ELP3: variants seen among roughly 807,000 people sequenced by gnomAD.
The protein encoded by ELP3 is elongator complex protein 3.
Under a neutral mutation model 74.9 loss-of-function variants are expected in ELP3, and 56 were observed. The observed-to-expected ratio is 0.75, with a 90% confidence interval of 0.60 to 0.93. The LOEUF is 0.93. Ranked by LOEUF, ELP3 falls within the 40% of genes least tolerant of loss-of-function variation. The probability of loss-of-function intolerance (pLI) is 0.00; values close to 1 mark genes in which losing one functional copy is unlikely to be tolerated. For missense variants in ELP3, 573 were observed against 686.5 expected (o/e 0.83, Z 1.85); for synonymous variants, 222 against 239.8 (o/e 0.93, Z 0.68).
intron 6 of ELP3, 99 bp from the exon 7 acceptor site, chr8:28,112,920 G>T: frequency 8.7e-7 from 1 of 1,147,862 alleles, no homozygotes; most frequent in South Asian, 1.7e-5. Flanking sequence ...TTTTTAAACT[G>T]TACTGATGAA....
chr8:28,133,952 GATTATT>G (rs369737577), intron 9 of ELP3, among the ~76,000 whole-genome samples: 7 of 151,454 alleles, frequency 4.6e-5, no homozygotes, highest in African/African-American at 1.5e-4. Flanking sequence ...TTATTATCAT[GATTATT>G]ATTATTATTA....
At chr8:28,139,722 A>G (rs1255862631) in intron 10 of ELP3, among the ~76,000 whole-genome samples, 1 of 152,202 alleles carries the variant, frequency 6.6e-6, no homozygotes, top group East Asian at 1.9e-4. Flanking sequence ...AAGTGGGCGG[A>G]TTACCTGAGG....
At chr8:28,138,879 A>G (rs750498372) in intron 10 of ELP3, among the ~76,000 whole-genome samples, 2 of 152,252 alleles carry the variant, frequency 1.3e-5, no homozygotes, top group African/African-American at 2.4e-5. Context: ...ATTTTTAAAA[A>G]TACACCTAAG....
At chr8:28,169,443 G>T (rs1277221872) in intron 14 of ELP3, among the ~76,000 whole-genome samples, 1 of 152,138 alleles carries the variant, frequency 6.6e-6, no homozygotes, top group African/African-American at 2.4e-5. Context: ...GCAGCCAGTT[G>T]GCTGGGATGG....
chr8:28,171,380 G>A (rs2130579984), intron 14 of ELP3, among the ~76,000 whole-genome samples: 1 of 151,914 alleles, frequency 6.6e-6, no homozygotes, highest in South Asian at 2.1e-4. Flanking sequence ...CCATCCTAGT[G>A]GTATAAAATG....
intron 1 of ELP3, among the ~76,000 whole-genome samples, chr8:28,095,809 T>G (rs1811231238): frequency 6.6e-6 from 1 of 152,212 alleles, no homozygotes. Flanking sequence ...TGAGATAAAG[T>G]AAATGTGTGG....
intron 3 of ELP3, among the ~76,000 whole-genome samples, chr8:28,104,697 G>A (rs1331388555): frequency 6.6e-6 from 1 of 152,228 alleles, no homozygotes; most frequent in Non-Finnish European, 1.5e-5. Flanking sequence ...CATAGAAGCA[G>A]CACTACGTTC....
intron 14 of ELP3, 137 bp downstream of exon 14, chr8:28,162,215 T>C: frequency 1.2e-6 from 1 of 864,464 alleles, no homozygotes; most frequent in Non-Finnish European, 1.8e-6. Context: ...GGCGAAGGAC[T>C]TGTGCTCAAA....
At chr8:28,169,382 G>C (rs757141066) in intron 14 of ELP3, among the ~76,000 whole-genome samples, 4 of 152,204 alleles carry the variant, frequency 2.6e-5, no homozygotes, top group Non-Finnish European at 4.4e-5. Context: ...AGAGGGGATG[G>C]TTCCTGTCTG....
At chr8:28,154,481 T>C (rs1428029210) in intron 10 of ELP3, among the ~76,000 whole-genome samples, 1 of 152,208 alleles carries the variant, frequency 6.6e-6, no homozygotes, top group Non-Finnish European at 1.5e-5. Flanking sequence ...ATTTCTTATA[T>C]GTGTATATAT....
rs570201267 is a variant in ELP3, at chr8:28,112,841, C to T, written c.463-178C>T. The T allele has an allele frequency of 3.4e-5, 15 of 440,234 alleles. No individual in the cohort carries two copies. The South Asian group carries it at 1.1e-3, about 31-fold the overall frequency. 27.3% of individuals were successfully genotyped at this position (440,234 alleles called of 1,614,324 possible). On this transcript the variant is annotated intron_variant, in intron 6 of 14. Transcript: ENST00000256398. The stretch of plus-strand genomic sequence containing the variant: ...TCCCTCCTTATTTGAGTTGTACTCA[C>T]TTTTTTCTTTCAGACTTGGGCCTAT...
chr8:28,116,478 G>A (rs1350705130), intron 7 of ELP3, among the ~76,000 whole-genome samples: 2 of 152,200 alleles, frequency 1.3e-5, no homozygotes, highest in African/African-American at 4.8e-5. Flanking sequence ...AGTGGCTCAC[G>A]CCTGTAATCC....
At position 28,134,343 on chromosome 8, in the gene ELP3, C is replaced by T. The variant is rs1044976734; in HGVS notation, c.906+1939C>T. On this transcript the variant is annotated intron_variant, in intron 9 of 14. Coordinates refer to ENST00000256398, the MANE Select transcript of ELP3 (RefSeq NM_018091.6). ...AACATAAGGAATAGTTCAGTAATAACATTGCAAGGACAACCTTTCTTGTAA... is the reference window on the plus strand; with the variant it reads ...AACATAAGGAATAGTTCAGTAATAATATTGCAAGGACAACCTTTCTTGTAA... 2.6e-5 allele frequency among the ~76,000 whole-genome samples: 4 copies of T among 152,152 alleles called. No homozygotes were observed. In the East Asian group the frequency reaches 7.7e-4, roughly 29 times the overall value.
intron 11 of ELP3, among the ~76,000 whole-genome samples, chr8:28,156,758 A>G (rs1040396702): frequency 2.6e-5 from 4 of 152,180 alleles, no homozygotes; most frequent in Non-Finnish European, 4.4e-5. Context: ...CTCATGCACA[A>G]TTCAGATTTG....
chr8:28,115,725 C>T (rs1812103258), intron 7 of ELP3, among the ~76,000 whole-genome samples: 2 of 152,164 alleles, frequency 1.3e-5, no homozygotes, highest in African/African-American at 2.4e-5. Flanking sequence ...GGTAGCTTTG[C>T]TTTCAGAGCC....
chr8:28,132,482 C>T lies in ELP3; in HGVS notation c.906+78C>T. 2.5e-6 allele frequency: 4 copies of T among 1,577,954 alleles called. No individual in the cohort carries two copies. In the South Asian group the frequency reaches 4.5e-5, roughly 18 times the overall value. ...CCCATCTGGTCTTGTTGCTTGTTCACTGTTGATGTTTTCCAGTGTTAAAGA... is the reference window on the plus strand; with the variant it reads ...CCCATCTGGTCTTGTTGCTTGTTCATTGTTGATGTTTTCCAGTGTTAAAGA... On this transcript the variant is annotated intron_variant, in intron 9 of 14. Transcript: ENST00000256398.
chr8:28,148,729 A>G (rs1038267821), intron 10 of ELP3, among the ~76,000 whole-genome samples: 3 of 152,210 alleles, frequency 2.0e-5, no homozygotes, highest in African/African-American at 7.2e-5. Flanking sequence ...TTGATAAATT[A>G]TGATAAATCG....
At chr8:28,162,996 C>A (rs1814163023) in intron 14 of ELP3, among the ~76,000 whole-genome samples, 1 of 152,182 alleles carries the variant, frequency 6.6e-6, no homozygotes, top group Admixed American at 6.5e-5. Flanking sequence ...TTTCTGATTC[C>A]TTCACCTTAA....
At chr8:28,173,067 C>T (rs1264614608) in intron 14 of ELP3, among the ~76,000 whole-genome samples, 6 of 151,936 alleles carry the variant, frequency 3.9e-5, no homozygotes, top group Non-Finnish European at 7.4e-5. Flanking sequence ...CGTCTGTATT[C>T]TTAAGGGGAT....
Sources: gnomAD v4.1 joint callset for allele counts (sites outside exome capture counted in the v4.1 genomes callset) on GRCh38, gnomAD v4.1.1 for gene constraint, MANE v1.5 for transcripts, NCBI Gene and HGNC (gene_info 2026-07-23, HGNC 2026-07-21) for gene names.